ATXN7L1: variants seen among roughly 807,000 people sequenced by gnomAD.
ATXN7L1 encodes the protein ataxin-7-like protein 1.
In ATXN7L1, 15 loss-of-function variants were observed where a neutral mutation model predicts 70.8. The ratio of observed to expected loss-of-function variants is 0.21; its 90% CI spans 0.14 to 0.33. The LOEUF (loss-of-function observed/expected upper bound fraction) is 0.33. Ranked by LOEUF, ATXN7L1 falls within the 10% of genes least tolerant of loss-of-function variation. The probability of loss-of-function intolerance (pLI) is 1.00; values close to 1 mark genes in which losing one functional copy is unlikely to be tolerated. For synonymous variants in ATXN7L1, 440 were observed against 445.1 expected (o/e 0.99, Z 0.14); for missense variants, 975 against 1,097.1 (o/e 0.89, Z 1.57).
intron 3 of ATXN7L1, among the ~76,000 whole-genome samples, chr7:105,692,370 TTTCCTTCCTTCCTTCC>T (rs60485799): frequency 4.1e-4 from 39 of 94,606 alleles, no homozygotes; most frequent in South Asian, 3.2e-3. Flanking sequence ...AATTTCTTTC[TTTCCTTCCTTCCTTCC>T]TTCCTTCCTT....
intron 2 of ATXN7L1, among the ~76,000 whole-genome samples, chr7:105,821,718 AC>A (rs770884672): frequency 6.6e-6 from 1 of 152,208 alleles, no homozygotes; most frequent in Non-Finnish European, 1.5e-5. Flanking sequence ...AGTTTCTTTA[AC>A]TGCAAAATGG....
chr7:105,741,185 G>A (rs1315138578), intron 3 of ATXN7L1, among the ~76,000 whole-genome samples: 1 of 152,112 alleles, frequency 6.6e-6, no homozygotes, highest in Non-Finnish European at 1.5e-5. Context: ...AGCTCTAGAT[G>A]TGAATTCTTT....
chr7:105,668,573 C>T (rs982952950), intron 3 of ATXN7L1, among the ~76,000 whole-genome samples: 2 of 152,154 alleles, frequency 1.3e-5, no homozygotes, highest in African/African-American at 2.4e-5. Flanking sequence ...AGGCATGCAC[C>T]ATCACGCCTG....
chr7:105,661,144 G>C (rs1031792960), intron 4 of ATXN7L1, among the ~76,000 whole-genome samples: 1 of 152,202 alleles, frequency 6.6e-6, no homozygotes, highest in African/African-American at 2.4e-5. Context: ...CTGTGCACCT[G>C]GTACAGGCCT....
At chr7:105,790,608 ATC>A (rs1805012927) in intron 2 of ATXN7L1, among the ~76,000 whole-genome samples, 1 of 80,500 alleles carries the variant, frequency 1.2e-5, no homozygotes, top group South Asian at 3.8e-4. Context: ...GAAAAAAATT[ATC>A]TATCTATCTA....
chr7:105,626,101 C>A (rs1017972614), intron 7 of ATXN7L1, among the ~76,000 whole-genome samples: 21 of 152,308 alleles, frequency 1.4e-4, no homozygotes, highest in Non-Finnish European at 2.8e-4. Context: ...AAAGTATAGT[C>A]ACTTAAAAAC....
At chr7:105,838,724 G>A (rs571162458) in intron 2 of ATXN7L1, among the ~76,000 whole-genome samples, 18 of 152,200 alleles carry the variant, frequency 1.2e-4, no homozygotes, top group Middle Eastern at 3.4e-3. Context: ...TACTCTGCGC[G>A]TCTGGCACCC....
At position 105,642,943 on chromosome 7, in the gene ATXN7L1, A is replaced by G; in HGVS notation, c.757T>C (p.Ser253Pro). The G allele has an allele frequency of 6.4e-7, 1 of 1,551,672 alleles. No homozygotes were observed. Among genetic ancestry groups the G allele is most frequent in the Non-Finnish European group, 8.7e-7 (1 of 1,146,992 alleles). Residue 253 changes from serine (S) to proline (P), a missense_variant, in exon 5 of 12, where the codon TCA (serine) becomes CCA (proline). Around this residue, in one of 5 missense-constraint regions of ATXN7L1, gnomAD observed 192 missense variants for 215.5 expected, o/e 0.89. Transcript: ENST00000419735. ...PVLMSKSVPP[S>P]PEKILNGKGI... ...TTGCCATTTAAGATCTTCTCTGGTG[A>G]AGGTGGCACTGACTTGGACATCAGG...
intron 3 of ATXN7L1, chr7:105,678,122 C>T (rs1804999290): frequency 1.8e-6 from 1 of 553,004 alleles, no homozygotes; most frequent in Non-Finnish European, 2.3e-6. Context: ...TTTCTGGCCC[C>T]CTTTTCTCTC....
At chr7:105,697,995 T>C (rs1344739858) in intron 3 of ATXN7L1, among the ~76,000 whole-genome samples, 1 of 152,114 alleles carries the variant, frequency 6.6e-6, no homozygotes, top group Non-Finnish European at 1.5e-5. Flanking sequence ...GGTCTGGACA[T>C]GTGGAAAGCT....
intron 3 of ATXN7L1, among the ~76,000 whole-genome samples, chr7:105,768,546 C>T (rs578191127): frequency 2.6e-4 from 40 of 152,230 alleles, no homozygotes; most frequent in Non-Finnish European, 5.1e-4. Context: ...TAGCTTTCAG[C>T]CAAAACCCAT....
chr7:105,738,494 ACAC>A (rs1797660044), intron 3 of ATXN7L1, among the ~76,000 whole-genome samples: 1 of 152,240 alleles, frequency 6.6e-6, no homozygotes, highest in East Asian at 1.9e-4. Flanking sequence ...TAACTAAATC[ACAC>A]TAGCACTCAC....
chr7:105,630,787 G>A (rs1467241165), intron 7 of ATXN7L1, among the ~76,000 whole-genome samples: 1 of 152,058 alleles, frequency 6.6e-6, no homozygotes, highest in African/African-American at 2.4e-5. Context: ...GTTGATAGTG[G>A]CGGAGGGAGG....
intron 2 of ATXN7L1, among the ~76,000 whole-genome samples, chr7:105,813,108 T>C (rs561616387): frequency 6.6e-6 from 1 of 152,302 alleles, no homozygotes; most frequent in Admixed American, 6.5e-5. Context: ...TGTTATGAAT[T>C]TACCTACTTG....
At chr7:105,642,747 C>A (rs1798456599) in intron 5 of ATXN7L1, 91 bp downstream of exon 5, 14 of 1,395,468 alleles carry the variant, frequency 1.0e-5, no homozygotes, top group Non-Finnish European at 1.3e-5. Flanking sequence ...AACAGACCTG[C>A]TTAATGATAA....
At chr7:105,826,955 G>A (rs1016133438) in intron 2 of ATXN7L1, among the ~76,000 whole-genome samples, 6 of 152,188 alleles carry the variant, frequency 3.9e-5, no homozygotes, top group Non-Finnish European at 5.9e-5. Context: ...GTTTGCCATC[G>A]AGGACAAAGG....
At chr7:105,684,671 C>T (rs933508119) in intron 3 of ATXN7L1, among the ~76,000 whole-genome samples, 15 of 152,206 alleles carry the variant, frequency 9.9e-5, no homozygotes, top group Non-Finnish European at 1.6e-4. Context: ...ATAATCTGCT[C>T]TCCCTCCCAA....
chr7:105,736,710 T>A (rs1163698526), intron 3 of ATXN7L1, among the ~76,000 whole-genome samples: 1 of 152,200 alleles, frequency 6.6e-6, no homozygotes. Context: ...TCCAGAGAGC[T>A]GGAAAACATA....
At chr7:105,757,776 A>G (rs1799993812) in intron 3 of ATXN7L1, among the ~76,000 whole-genome samples, 1 of 149,738 alleles carries the variant, frequency 6.7e-6, no homozygotes, top group African/African-American at 2.5e-5. Context: ...TTTTTGTAGC[A>G]ATAGGGTCTC....
Sources: gnomAD v4.1 joint callset for allele counts (sites outside exome capture counted in the v4.1 genomes callset) on GRCh38, gnomAD v4.1.1 for gene constraint, gnomAD v4.1.1 regional missense constraint, MANE v1.5 for transcripts, NCBI Gene and HGNC (gene_info 2026-07-23, HGNC 2026-07-21) for gene names.